The following MYH3 variants were observed in gnomAD, a reference collection of about 807,000 sequenced individuals.
MYH3 encodes the protein myosin heavy chain 3.
In MYH3, 130 loss-of-function variants were observed where a neutral mutation model predicts 238.0. That is an observed-to-expected ratio of 0.55 (90% CI 0.47 to 0.63). MYH3 has a LOEUF of 0.63. Ranked by LOEUF, MYH3 falls within the 30% of genes least tolerant of loss-of-function variation. The pLI is 0.00. For synonymous variants in MYH3, 880 were observed against 924.1 expected (o/e 0.95, Z 0.86); for missense variants, 1,853 against 2,374.9 (o/e 0.78, Z 4.57).
rs775371299 is a variant in MYH3, at chr17:10,630,146, C to G, written c.5508G>C (p.Glu1836Asp). 8 of 1,614,092 alleles carry G rather than the reference C, an allele frequency of 5.0e-6. No individual in the cohort carries two copies. The highest frequency in any genetic ancestry group is 6.8e-6 in the Non-Finnish European group (8 of 1,180,052). Residue 1836 changes from glutamate (E) to aspartate (D), a missense_variant, in exon 38 of 41, where the codon GAG becomes GAC. Glu to Asp is a conservative substitution (Grantham distance 45, BLOSUM62 2). Transcript: ENST00000583535. ...ELEGEQKKNT[E>D]SVKGLRKYER... ...CATACTTCCTCAGGCCCTTAACAGA[C>G]TCTGTGTTCTTCTTCTGCTCTCCCT... is the stretch of plus-strand genomic sequence containing the variant.
the MYH3 span, among the ~76,000 whole-genome samples, chr17:10,667,940 A>T: frequency 6.6e-6 from 1 of 152,186 alleles, no homozygotes; most frequent in African/African-American, 2.4e-5. Flanking sequence ...AATAAATGTA[A>T]ATATAAAGGA....
At chr17:10,649,882 A>T (rs1372536162) in intron 6 of MYH3, among the ~76,000 whole-genome samples, 197 bp from the exon 7 acceptor site, 5 of 152,172 alleles carry the variant, frequency 3.3e-5, no homozygotes, top group Admixed American at 3.3e-4. Context: ...TGACCCAAGG[A>T]TGGGTAATTC....
chr17:10,665,517 G>A, the MYH3 span, among the ~76,000 whole-genome samples: 1 of 152,230 alleles, frequency 6.6e-6, no homozygotes, highest in South Asian at 2.1e-4. Flanking sequence ...AGAATCACCC[G>A]AAGAGCTGTT....
At chr17:10,666,184 G>A in the MYH3 span, among the ~76,000 whole-genome samples, 1 of 152,042 alleles carries the variant, frequency 6.6e-6, no homozygotes, top group African/African-American at 2.4e-5. Flanking sequence ...TCTGGAAATG[G>A]GGAAGGCCCA....
chr17:10,651,621 C>T lies in MYH3; in HGVS notation c.396G>A (p.Leu132=), dbSNP rs1394770241. The T allele has an allele frequency of 6.2e-7, 1 of 1,614,132 alleles. No individual in the cohort carries two copies. The highest frequency in any genetic ancestry group is 8.5e-7 in the Non-Finnish European group (1 of 1,180,004). The change falls in exon 5 of 41, where the codon CTG becomes CTA. Residue 132 remains leucine (L), a synonymous_variant. Transcript: ENST00000583535. The part of the protein sequence containing the change: ...FCVTVNPYKW[L]PVYNPEVVEG... Reference sequence around the variant, plus strand: ...CCACCACCTCGGGGTTGTACACCGGCAGCCACTTGTAGGGGTTGACAGTGA... The same window carrying T: ...CCACCACCTCGGGGTTGTACACCGGTAGCCACTTGTAGGGGTTGACAGTGA...
Position 10,639,456 on chromosome 17 carries a change from C to T in MYH3, c.2944G>A (p.Glu982Lys). Residue 982 changes from glutamate (E) to lysine (K), a missense_variant, in exon 24 of 41, where the codon GAA becomes AAA. Glu to Lys is a moderately conservative substitution (Grantham distance 56, BLOSUM62 1). Coordinates refer to ENST00000583535, the MANE Select transcript of MYH3 (RefSeq NM_002470.4). ...TENKVKNLTE[E>K]LSGLDETIAK... ...ATTGTTTCATCTAACCCAGAGAGTT[C>T]CTCAGTAAGGTTTTTAACCTAAGAA... 1 of 1,614,048 alleles carries T rather than the reference C, an allele frequency of 6.2e-7. No homozygotes were observed.
rs2074345989 is a variant in MYH3, at chr17:10,648,669, G to A, written c.643-20C>T. The A allele has an allele frequency of 1.3e-6, 2 of 1,570,034 alleles. No homozygotes were observed. The highest frequency in any genetic ancestry group is 1.8e-5 in the Admixed American group (1 of 57,096). On this transcript the variant is annotated intron_variant, in intron 7 of 40. Transcript: ENST00000583535. ...AGTCCCCTAATGCAAGAAATTGAGG[G>A]AAGAAGAGGAAACATTTTTTTTTGA...
rs1418850603 is a variant in MYH3 at position 10,639,647 on chromosome 17, A to G, written c.2838T>C (p.Asp946=). Residue 946 remains aspartate (D), a synonymous_variant, in exon 23 of 41, where the codon GAT becomes GAC. Coordinates refer to ENST00000583535, the MANE Select transcript of MYH3 (RefSeq NM_002470.4). ...TGTCTTTCTTGAGCTCTGAGCATTC[A>G]TCCTCCAGTTTCCTCTTCTTGGCCG... ...ELTAKKRKLE[D]ECSELKKDID... The G allele has an allele frequency of 6.2e-7, 1 of 1,613,826 alleles. No individual in the cohort carries two copies. The highest frequency in any genetic ancestry group is 1.3e-5 in the African/African-American group (1 of 74,838).
At chr17:10,632,854 TAACAAAA>T (rs1012252358) in intron 33 of MYH3, 70 bp from the exon 34 acceptor site, 4 of 1,492,354 alleles carry the variant, frequency 2.7e-6, no homozygotes, top group African/African-American at 1.4e-5. Context: ...CCCTGCAGGA[TAACAAAA>T]CTTCAATGGA....
intron 3 of MYH3, among the ~76,000 whole-genome samples, chr17:10,653,318 G>A (rs1174710302): frequency 6.6e-6 from 1 of 152,118 alleles, no homozygotes; most frequent in Non-Finnish European, 1.5e-5. Flanking sequence ...GGCAGGGACC[G>A]AAGAGAATGA....
chr17:10,664,150 CAAG>C, the MYH3 span, among the ~76,000 whole-genome samples: 23 of 149,926 alleles, frequency 1.5e-4, no homozygotes, highest in African/African-American at 5.1e-4. Context: ...TGCCTGCTTT[CAAG>C]AAGGTTATGT....
In MYH3 at chr17:10,631,660, C is replaced by T; in HGVS notation, c.5237G>A (p.Ser1746Asn). ...CTCCTCAGCGTTCCTTGCATCCCTGCTGGCATCTTCTACCTCACTCTGGAG... is the reference window on the plus strand; with the variant it reads ...CTCCTCAGCGTTCCTTGCATCCCTGTTGGCATCTTCTACCTCACTCTGGAG... ...MQLQSEVEDA[S>N]RDARNAEEKA... The change falls in exon 36 of 41, where the codon AGC (serine) becomes AAC (asparagine). Residue 1746 changes from serine to asparagine, a missense_variant. Ser to Asn is a conservative substitution (Grantham distance 46). Coordinates refer to ENST00000583535, the MANE Select transcript of MYH3 (RefSeq NM_002470.4). 6.2e-7 allele frequency: 1 copy of T among 1,614,196 alleles called. No homozygotes were observed. Among genetic ancestry groups the T allele is most frequent in the Non-Finnish European group, 8.5e-7 (1 of 1,180,034 alleles).
chr17:10,631,768 C>T (rs746331529), intron 35 of MYH3, 32 bp from the exon 36 acceptor site: 31 of 1,614,026 alleles, frequency 1.9e-5, no homozygotes, highest in Non-Finnish European at 2.5e-5. Flanking sequence ...TAACCAGGTG[C>T]GTATGAGGCT....
chr17:10,655,410 C>A (rs2074418366), intron 2 of MYH3, among the ~76,000 whole-genome samples: 1 of 152,178 alleles, frequency 6.6e-6, no homozygotes, highest in African/African-American at 2.4e-5. Context: ...TCTGTGACAA[C>A]CAGGTGTTGC....
In MYH3 at chr17:10,651,609, G is replaced by A; in HGVS notation, c.408C>T (p.Asn136=). The change falls in exon 5 of 41, where the codon AAC becomes AAT. Residue 136 remains asparagine (N), a synonymous_variant. Transcript: ENST00000583535. ...VNPYKWLPVY[N]PEVVEGYRGK... ...CTCGGTAGCCTTCCACCACCTCGGG[G>A]TTGTACACCGGCAGCCACTTGTAGG... The A allele has an allele frequency of 4.3e-6, 7 of 1,614,136 alleles. No homozygotes were observed. The highest frequency in any genetic ancestry group is 5.9e-6 in the Non-Finnish European group (7 of 1,180,016).
At chr17:10,631,536 CCTGT>C in intron 36 of MYH3, 71 bp downstream of exon 36, 1 of 1,609,882 alleles carries the variant, frequency 6.2e-7, no homozygotes, top group Non-Finnish European at 8.5e-7. Context: ...GGAGACCGCA[CCTGT>C]CTAACTATGT....
At chr17:10,666,517 G>C in the MYH3 span, among the ~76,000 whole-genome samples, 1 of 142,268 alleles carries the variant, frequency 7.0e-6, no homozygotes, top group African/African-American at 2.6e-5. Flanking sequence ...TGAGGTGGGA[G>C]AATTGCTTGA....
In MYH3 at chr17:10,633,549, C is replaced by A. The variant is rs377200387; in HGVS notation, c.4647+42G>T. On this transcript the variant is annotated intron_variant, in intron 33 of 40. Transcript: ENST00000583535. ...AGCCAGCCTCCCTGGCCGTGGCTCA[C>A]CATGGCTGCATCTGCGCCTGAGCCT... The A allele has an allele frequency of 1.2e-5, 20 of 1,609,700 alleles. No homozygotes were observed. The African/African-American group carries it at 2.7e-4, about 21-fold the overall frequency.
At chr17:10,636,849 G>A (rs1286184870) in intron 28 of MYH3, among the ~76,000 whole-genome samples, 1 of 150,112 alleles carries the variant, frequency 6.7e-6, no homozygotes, top group Non-Finnish European at 1.5e-5. Context: ...GGGAGGCGGA[G>A]TTTGCAGTGA....
Sources: allele counts gnomAD v4.1 joint callset (sites outside exome capture counted in the v4.1 genomes callset), GRCh38; gene constraint gnomAD v4.1.1; transcripts MANE v1.5; gene names NCBI Gene and HGNC (gene_info 2026-07-23, HGNC 2026-07-21).